TCF7L1: variants seen among roughly 807,000 people sequenced by gnomAD.
The protein encoded by TCF7L1 is transcription factor 7-like 1.
Under a neutral mutation model 63.7 loss-of-function variants are expected in TCF7L1, and 18 were observed. That is an observed-to-expected ratio of 0.28 (90% confidence interval 0.20 to 0.42). TCF7L1 has a LOEUF of 0.42. Ranked by LOEUF, TCF7L1 falls within the 10% of genes least tolerant of loss-of-function variation. TCF7L1 has a pLI of 1.00. For synonymous variants in TCF7L1, 355 were observed against 340.9 expected (o/e 1.04, Z -0.46); for missense variants, 654 against 779.3 (o/e 0.84, Z 1.91).
At chr2:85,285,038 C>T (rs1438696407) in intron 4 of TCF7L1, among the ~76,000 whole-genome samples, 2 of 152,088 alleles carry the variant, frequency 1.3e-5, no homozygotes, top group African/African-American at 4.8e-5. Flanking sequence ...TCGATACCAT[C>T]CTGGCTAACA....
chr2:85,279,680 C>T (rs1284877866), intron 3 of TCF7L1, among the ~76,000 whole-genome samples: 2 of 152,146 alleles, frequency 1.3e-5, no homozygotes, highest in African/African-American at 4.8e-5. Flanking sequence ...TCACTCATCT[C>T]CAAAACTTAA....
intron 3 of TCF7L1, among the ~76,000 whole-genome samples, chr2:85,144,479 G>A (rs1337090932): frequency 2.6e-5 from 4 of 151,380 alleles, no homozygotes; most frequent in Non-Finnish European, 5.9e-5. Flanking sequence ...ACGTGTGCCT[G>A]TAATCGCAGC....
chr2:85,190,624 T>C (rs1250800594), intron 3 of TCF7L1, among the ~76,000 whole-genome samples: 1 of 152,360 alleles, frequency 6.6e-6, no homozygotes, highest in Non-Finnish European at 1.5e-5. Flanking sequence ...CAGGCCAAGA[T>C]GCTAAGGAGC....
At chr2:85,212,907 C>A (rs771534622) in intron 3 of TCF7L1, among the ~76,000 whole-genome samples, 1 of 152,020 alleles carries the variant, frequency 6.6e-6, no homozygotes, top group Admixed American at 6.6e-5. Context: ...TGTGTCATTA[C>A]GGGATTGGGA....
rs775826586 is a variant in TCF7L1 at position 85,302,543 on chromosome 2, C to T, written c.585C>T (p.Ile195=). The T allele has an allele frequency of 1.9e-6, 3 of 1,614,108 alleles. No individual in the cohort carries two copies. ...PHHMHPLTPL[I]TYSNDHFSPG... ...ACATGCATCCGCTGACTCCCCTCATCACCTACAGCAATGACCACTTCTCCC... is the reference window on the plus strand; with the variant it reads ...ACATGCATCCGCTGACTCCCCTCATTACCTACAGCAATGACCACTTCTCCC... Residue 195 remains isoleucine (I), a synonymous_variant, in exon 5 of 12, where the codon ATC becomes ATT. Transcript: ENST00000282111.
chr2:85,221,548 A>G (rs1357764106), intron 3 of TCF7L1, among the ~76,000 whole-genome samples: 1 of 152,198 alleles, frequency 6.6e-6, no homozygotes, highest in Non-Finnish European at 1.5e-5. Flanking sequence ...ATCGTCCTAT[A>G]GCAGAAAGGC....
chr2:85,261,888 G>T (rs2366264), intron 3 of TCF7L1, among the ~76,000 whole-genome samples: 64,296 of 151,822 alleles, frequency 0.42, 14,695 homozygotes, highest in Non-Finnish European at 0.53. Context: ...CTCTTTTTTT[G>T]TTGTAAGACA....
At chr2:85,305,059 G>C (rs1682075312) in intron 7 of TCF7L1, among the ~76,000 whole-genome samples, 1 of 152,074 alleles carries the variant, frequency 6.6e-6, no homozygotes, top group Non-Finnish European at 1.5e-5. Context: ...GGCAGCCTGG[G>C]TGTTGGTGGG....
intron 3 of TCF7L1, among the ~76,000 whole-genome samples, chr2:85,183,957 G>A (rs1012977091): frequency 2.0e-5 from 3 of 152,150 alleles, no homozygotes; most frequent in Admixed American, 2.0e-4. Context: ...GAAAGTCAAG[G>A]GGCATTTCAG....
chr2:85,193,896 G>A (rs1351658083), intron 3 of TCF7L1, among the ~76,000 whole-genome samples: 1 of 151,998 alleles, frequency 6.6e-6, no homozygotes, highest in Admixed American at 6.6e-5. Flanking sequence ...TAGGTGAGTG[G>A]TATGTGGAAG....
chr2:85,209,162 G>A (rs1383153115), intron 3 of TCF7L1, among the ~76,000 whole-genome samples: 1 of 151,942 alleles, frequency 6.6e-6, no homozygotes, highest in South Asian at 2.1e-4. Context: ...GCTGGCCTTC[G>A]TTAAGTTAGG....
intron 3 of TCF7L1, among the ~76,000 whole-genome samples, chr2:85,156,093 A>G (rs899569916): frequency 6.6e-6 from 1 of 152,174 alleles, no homozygotes; most frequent in African/African-American, 2.4e-5. Flanking sequence ...TTTAAAGCTG[A>G]TGTTCACCTC....
At chr2:85,187,511 T>C (rs1236449820) in intron 3 of TCF7L1, among the ~76,000 whole-genome samples, 1 of 152,276 alleles carries the variant, frequency 6.6e-6, no homozygotes, top group Admixed American at 6.5e-5. Context: ...TTACTTTTCA[T>C]ATAAGGTGTA....
chr2:85,305,155 G>A (rs756123438), intron 7 of TCF7L1, 105 bp from the exon 8 acceptor site: 57 of 1,496,118 alleles, frequency 3.8e-5, no homozygotes, highest in Middle Eastern at 1.7e-4. Context: ...TCTGCCCCAC[G>A]GACATGCCTG....
At chr2:85,139,939 T>C (rs1297079412) in intron 3 of TCF7L1, among the ~76,000 whole-genome samples, 1 of 152,090 alleles carries the variant, frequency 6.6e-6, no homozygotes, top group Non-Finnish European at 1.5e-5. Flanking sequence ...GCTAGAAAGA[T>C]AATGGTGGAT....
At chr2:85,181,835 G>A (rs1183804163) in intron 3 of TCF7L1, among the ~76,000 whole-genome samples, 1 of 152,136 alleles carries the variant, frequency 6.6e-6, no homozygotes, top group African/African-American at 2.4e-5. Context: ...AGCAAGCATC[G>A]AGTGGGTGTC....
intron 3 of TCF7L1, among the ~76,000 whole-genome samples, chr2:85,210,563 G>T (rs1476980054): frequency 6.6e-6 from 1 of 152,206 alleles, no homozygotes; most frequent in South Asian, 2.1e-4. Flanking sequence ...ATTTGTCCAG[G>T]GGAGGAAGAG....
At chr2:85,264,855 G>C (rs1422053847) in intron 3 of TCF7L1, among the ~76,000 whole-genome samples, 2 of 152,190 alleles carry the variant, frequency 1.3e-5, no homozygotes, top group Non-Finnish European at 2.9e-5. Flanking sequence ...AGTGTTTATG[G>C]CATATGGGTT....
At chr2:85,170,071 A>G (rs902693597) in intron 3 of TCF7L1, among the ~76,000 whole-genome samples, 2 of 152,230 alleles carry the variant, frequency 1.3e-5, no homozygotes, top group Non-Finnish European at 2.9e-5. Flanking sequence ...TAGCCTTGAA[A>G]GATGAATATT....
Sources: gnomAD v4.1 joint callset for allele counts (sites outside exome capture counted in the v4.1 genomes callset) on GRCh38, gnomAD v4.1.1 for gene constraint, MANE v1.5 for transcripts, NCBI Gene and HGNC (gene_info 2026-07-23, HGNC 2026-07-21) for gene names.